The following LIPH variants were observed in gnomAD, a reference collection of about 807,000 sequenced individuals.
LIPH encodes lipase member H.
A neutral mutation model predicts 47.6 loss-of-function variants in LIPH; 32 were observed. The observed-to-expected ratio is 0.67, with a 90% confidence interval of 0.51 to 0.90. The LOEUF (loss-of-function observed/expected upper bound fraction) is 0.90, where lower values mean the gene tolerates loss of function less well. LIPH is among the 40% of genes least tolerant of loss of function. LIPH has a pLI of 0.00. For synonymous variants in LIPH, 190 were observed against 195.6 expected (o/e 0.97, Z 0.24); for missense variants, 497 against 541.4 (o/e 0.92, Z 0.81).
intron 5 of LIPH, among the ~76,000 whole-genome samples, chr3:185,523,484 A>G (rs1196869078): frequency 6.6e-6 from 1 of 152,094 alleles, no homozygotes; most frequent in Non-Finnish European, 1.5e-5. Flanking sequence ...GGCTCACTGC[A>G]ACCTCTACTT....
intron 5 of LIPH, among the ~76,000 whole-genome samples, chr3:185,523,830 C>A (rs528767025): frequency 6.6e-6 from 1 of 152,128 alleles, no homozygotes; most frequent in Non-Finnish European, 1.5e-5. Flanking sequence ...TCAAGAGATT[C>A]TCTTGCCTCA....
chr3:185,518,335 A>G (rs1719795944), intron 6 of LIPH, among the ~76,000 whole-genome samples: 1 of 152,066 alleles, frequency 6.6e-6, no homozygotes, highest in South Asian at 2.1e-4. Flanking sequence ...GCTGGAGTGC[A>G]ATGGCGCGGT....
At chr3:185,543,409 G>A (rs1352003358) in intron 1 of LIPH, among the ~76,000 whole-genome samples, 1 of 152,150 alleles carries the variant, frequency 6.6e-6, no homozygotes, top group Admixed American at 6.5e-5. Context: ...TATTAAATCA[G>A]ATGCCTTTAA....
At position 185,527,546 on chromosome 3, in the gene LIPH, TG is replaced by T. The variant is rs767844873; in HGVS notation, c.565del (p.His189ThrfsTer5). 1 of 1,612,628 alleles carries T rather than the reference TG, an allele frequency of 6.2e-7. No individual in the cohort carries two copies. Among genetic ancestry groups the T allele is most frequent in the African/African-American group, 1.3e-5 (1 of 74,588 alleles). On this transcript the variant is annotated frameshift_variant, in exon 4 of 10. Coordinates refer to ENST00000296252, the MANE Select transcript of LIPH (RefSeq NM_139248.3). LOFTEE classifies it high-confidence loss of function. ...PAGPLFNGKP[H>X]QDRLDPSDAQ... ...ATCACTGGGATCTAATCTGTCTTGG[TG>T]AGGTTTCCCGTTGAATAAAGGGCCT...
chr3:185,552,526 G>A lies in LIPH; in HGVS notation c.-55C>T, dbSNP rs113557528. ...TCACAAGAATGATTTACTTCGCAGAGGCTTAAGAGTTTCCACTGTGGGATT... is the reference window on the plus strand; with the variant it reads ...TCACAAGAATGATTTACTTCGCAGAAGCTTAAGAGTTTCCACTGTGGGATT... On this transcript the variant is annotated 5_prime_UTR_variant, in exon 1 of 10. Transcript: ENST00000296252. The A allele has an allele frequency of 1.3e-3, 1,646 of 1,260,160 alleles. 13 individuals are homozygous for A. In the African/African-American group the frequency reaches 0.021, roughly 16 times the overall value. The allele number at this position is 1,260,160 out of a possible 1,614,324, so 78.1% of individuals were successfully genotyped here. A position where few individuals can be genotyped will look rare whatever the true frequency, so the allele number is the denominator to read the frequency against.
At chr3:185,535,898 C>T (rs961831569) in intron 1 of LIPH, among the ~76,000 whole-genome samples, 2 of 152,156 alleles carry the variant, frequency 1.3e-5, no homozygotes, top group Non-Finnish European at 2.9e-5. Context: ...CCACCGTGCC[C>T]GGCCAACAAA....
chr3:185,541,941 G>A (rs1720727000), intron 1 of LIPH, among the ~76,000 whole-genome samples: 2 of 151,592 alleles, frequency 1.3e-5, no homozygotes, highest in East Asian at 1.9e-4. Context: ...ATTTTTAGTA[G>A]AGACAGGTTT....
chr3:185,535,730 G>A (rs571414351), intron 1 of LIPH, among the ~76,000 whole-genome samples: 71 of 151,998 alleles, frequency 4.7e-4, no homozygotes, highest in African/African-American at 1.7e-3. Context: ...AGCCTCCCAA[G>A]TAACTGGGAT....
intron 3 of LIPH, among the ~76,000 whole-genome samples, chr3:185,532,126 C>T (rs1253568009): frequency 6.6e-6 from 1 of 152,216 alleles, no homozygotes; most frequent in Non-Finnish European, 1.5e-5. Flanking sequence ...CTCCCCAGGA[C>T]AGACACCCAA....
At chr3:185,524,451 T>TC (rs1491354823) in intron 4 of LIPH, among the ~76,000 whole-genome samples, 1 of 128,456 alleles carries the variant, frequency 7.8e-6, no homozygotes, top group African/African-American at 3.4e-5. Flanking sequence ...ATTTCTTCTC[T>TC]TTTTTTTTTT....
At position 185,529,990 on chromosome 3, in the gene LIPH, G is replaced by A. The variant is rs1002808074; in HGVS notation, c.527-2405C>T. ...GGAAAGAAAGAAAGAGAGAGAGAGA[G>A]AAAATAAGCAGTGCCTGGCGCGGTG... On this transcript the variant is annotated intron_variant, in intron 3 of 9. Coordinates refer to ENST00000296252, the MANE Select transcript of LIPH (RefSeq NM_139248.3). Among the ~76,000 whole-genome samples, 51 of 149,030 alleles carry A rather than the reference G, an allele frequency of 3.4e-4. 1 individual carries two copies. The highest frequency in any genetic ancestry group is 4.0e-4 in the East Asian group (2 of 5,028).
rs1490703482 is a variant in LIPH, at chr3:185,507,967, C to T, written c.*823G>A. 1 of 152,304 alleles carries T rather than the reference C, an allele frequency of 6.6e-6. No individual in the cohort carries two copies. Among genetic ancestry groups the T allele is most frequent in the African/African-American group, 2.4e-5 (1 of 41,440 alleles). The allele number at this position is 152,304 out of a possible 1,614,324, so 9.4% of individuals were successfully genotyped here. A position where few individuals can be genotyped will look rare whatever the true frequency, so the allele number is the denominator to read the frequency against. ...AGCTCTGCTTTTCCTTCCCTTGCCT[C>T]ATGCTCCATCCCCTGTCCCCATGTG... On this transcript the variant is annotated 3_prime_UTR_variant, in exon 10 of 10. Transcript: ENST00000296252.
intron 8 of LIPH, among the ~76,000 whole-genome samples, chr3:185,512,119 A>G (rs1362641616): frequency 2.6e-5 from 4 of 152,160 alleles, no homozygotes; most frequent in Non-Finnish European, 5.9e-5. Context: ...TCCCCAGGTG[A>G]CAGGCCTTAT....
intron 1 of LIPH, among the ~76,000 whole-genome samples, chr3:185,538,165 C>A (rs187010555): frequency 6.6e-6 from 1 of 152,212 alleles, no homozygotes; most frequent in African/African-American, 2.4e-5. Flanking sequence ...CCGGAGAAGT[C>A]CATCGTAAGT....
chr3:185,527,531 T>C lies in LIPH; in HGVS notation c.581A>G (p.Asp194Gly), dbSNP rs747561558. ...FNGKPHQDRL[D>G]PSDAQFVDVI... The stretch of plus-strand genomic sequence containing the variant: ...ATCAACAAACTGCGCATCACTGGGA[T>C]CTAATCTGTCTTGGTGAGGTTTCCC... Residue 194 changes from aspartate to glycine, a missense_variant, in exon 4 of 10, where the codon GAT becomes GGT. Asp to Gly is a moderately conservative substitution (Grantham distance 94, BLOSUM62 -1). Coordinates refer to ENST00000296252, the MANE Select transcript of LIPH (RefSeq NM_139248.3). 19 of 1,612,634 alleles carry C rather than the reference T, an allele frequency of 1.2e-5. No individual in the cohort carries two copies. The highest frequency in any genetic ancestry group is 1.5e-5 in the Non-Finnish European group (18 of 1,179,778).
chr3:185,544,776 C>A (rs1224600051), intron 1 of LIPH, among the ~76,000 whole-genome samples: 1 of 152,098 alleles, frequency 6.6e-6, no homozygotes. Context: ...TCTGTTCCAC[C>A]CGTTGTATTC....
At chr3:185,530,904 C>T (rs1311557346) in intron 3 of LIPH, among the ~76,000 whole-genome samples, 1 of 152,034 alleles carries the variant, frequency 6.6e-6, no homozygotes, top group Admixed American at 6.6e-5. Flanking sequence ...TGGTGAGAGC[C>T]TCAGTTTATA....
intron 1 of LIPH, among the ~76,000 whole-genome samples, chr3:185,544,336 GTTGTTTTTTT>G (rs1432982759): frequency 7.2e-6 from 1 of 138,536 alleles, no homozygotes; most frequent in Admixed American, 7.5e-5. Context: ...ATTTTCCTCT[GTTGTTTTTTT>G]TTGTTTTGTT....
rs1336472068 is a variant in LIPH at position 185,527,636 on chromosome 3, A to G, written c.527-51T>C. On this transcript the variant is annotated intron_variant, in intron 3 of 9. Coordinates refer to ENST00000296252, the MANE Select transcript of LIPH (RefSeq NM_139248.3). The stretch of plus-strand genomic sequence containing the variant: ...CAGCCCCACACCATGAGTCACCTGC[A>G]GCCGGGCCTTTGATCCTTCTGGATG... The G allele has an allele frequency of 2.5e-6, 3 of 1,203,080 alleles. No homozygotes were observed. The East Asian group carries it at 7.0e-5, about 28-fold the overall frequency. 74.5% of individuals were successfully genotyped at this position (1,203,080 alleles called of 1,614,324 possible).
Sources: allele counts gnomAD v4.1 joint callset (sites outside exome capture counted in the v4.1 genomes callset), GRCh38; gene constraint gnomAD v4.1.1; transcripts MANE v1.5; gene names NCBI Gene and HGNC (gene_info 2026-07-23, HGNC 2026-07-21).